SRP54: variants seen among roughly 807,000 people sequenced by gnomAD.
SRP54 encodes the protein signal recognition particle 54, also known as signal recognition particle subunit SRP54.
SRP54 carries 10 observed loss-of-function variants against 64.8 expected under a neutral mutation model. The ratio of observed to expected loss-of-function variants is 0.15; its 90% confidence interval spans 0.10 to 0.26. The LOEUF (loss-of-function observed/expected upper bound fraction) is 0.26, where lower values mean the gene tolerates loss of function less well. Among genes scored for constraint, SRP54 ranks in the 10% least tolerant of loss-of-function variants. The probability of loss-of-function intolerance (pLI) is 1.00; values close to 1 mark genes in which losing one functional copy is unlikely to be tolerated. For synonymous variants in SRP54, 193 were observed against 185.6 expected, an observed-to-expected ratio of 1.04 and a Z score of -0.32; for missense variants, 325 against 613.7, an observed-to-expected ratio of 0.53 and a Z score of 4.97.
Position 35,028,923 on chromosome 14 carries a change from C to T in SRP54, c.1424-138C>T, listed in dbSNP as rs558365309. ...TGATAATACAAATTTTTAGGTGGTACGTTCTTTAAGGCTGATGACTAAATT... is the reference window on the plus strand; with the variant it reads ...TGATAATACAAATTTTTAGGTGGTATGTTCTTTAAGGCTGATGACTAAATT... On this transcript the variant is annotated intron_variant, in intron 15 of 15. Transcript: ENST00000216774. The T allele has an allele frequency of 2.5e-4, 156 of 618,050 alleles. No homozygotes were observed. In the East Asian group the frequency reaches 4.0e-3, roughly 16 times the overall value. 38.3% of individuals were successfully genotyped at this position (618,050 alleles called of 1,614,324 possible).
At chr14:34,993,808 G>C (rs1341945344) in intron 1 of SRP54, among the ~76,000 whole-genome samples, 2 of 151,672 alleles carry the variant, frequency 1.3e-5, no homozygotes, top group African/African-American at 4.8e-5. Context: ...CGATTCACCT[G>C]TCTCAGCCTC....
chr14:34,992,855 C>CTTAT (rs139297978), intron 1 of SRP54, among the ~76,000 whole-genome samples: 1,663 of 151,386 alleles, frequency 0.011, 25 homozygotes, highest in African/African-American at 0.027. Context: ...ACTAGTATGG[C>CTTAT]TTATTTATTT....
chr14:35,008,730 T>C, intron 6 of SRP54, 37 bp downstream of exon 6: 1 of 1,604,836 alleles, frequency 6.2e-7, no homozygotes, highest in Non-Finnish European at 8.5e-7. Flanking sequence ...TTTATATAAT[T>C]TTTATTTTCA....
rs112996006 is a variant in SRP54 at position 35,028,176 on chromosome 14, T to C, written c.1416T>C (p.His472=). ...AAATGATGGATCCTAGGGTTCTTCA[T>C]CACATGGGTAAATACCAAGTTGTTG... ...MAKMMDPRVL[H]HMGGMAGLQS... is the part of the protein sequence containing the mutation. The change falls in exon 15 of 16, where the codon CAT becomes CAC. Residue 472 remains histidine (H), a synonymous_variant. Coordinates refer to ENST00000216774, the MANE Select transcript of SRP54 (RefSeq NM_003136.4). The C allele has an allele frequency of 6.2e-7, 1 of 1,608,076 alleles. No homozygotes were observed. Among genetic ancestry groups the C allele is most frequent in the South Asian group, 1.1e-5 (1 of 90,010 alleles).
intron 10 of SRP54, among the ~76,000 whole-genome samples, chr14:35,014,364 G>C (rs945398664): frequency 6.7e-6 from 1 of 149,792 alleles, no homozygotes; most frequent in Non-Finnish European, 1.5e-5. Context: ...TGCACCTTCA[G>C]CCTCCCGGGT....
At chr14:34,987,198 T>C (rs2043908840) in intron 1 of SRP54, among the ~76,000 whole-genome samples, 1 of 145,336 alleles carries the variant, frequency 6.9e-6, no homozygotes, top group Non-Finnish European at 1.5e-5. Flanking sequence ...GCCACTGCAC[T>C]CTAGCCTGGG....
rs1214974635 is a variant in SRP54 at position 35,029,372 on chromosome 14, A to G, written c.*220A>G. 8 of 413,764 alleles carry G rather than the reference A, an allele frequency of 1.9e-5. No individual in the cohort carries two copies. 25.6% of individuals were successfully genotyped at this position (413,764 alleles called of 1,614,324 possible). On this transcript the variant is annotated 3_prime_UTR_variant, in exon 16 of 16. Coordinates refer to ENST00000216774, the MANE Select transcript of SRP54 (RefSeq NM_003136.4). ...ATACATGGTTTTTGTGGAAATCATT[A>G]TATGTTTGCTTTAGATTTTCTTCTG...
At chr14:34,998,988 TGTGTGTGTGTGTGTGTGTGTGTGTGG>T (rs1566645480) in intron 2 of SRP54, among the ~76,000 whole-genome samples, 3 of 95,446 alleles carry the variant, frequency 3.1e-5, no homozygotes, top group African/African-American at 1.0e-4. Flanking sequence ...TGTGTGTGTG[TGTGTGTGTGTGTGTGTGTGTGTGTGG>T]TTTTTTTTTT....
intron 10 of SRP54, among the ~76,000 whole-genome samples, chr14:35,014,118 T>C (rs1432722433): frequency 6.6e-6 from 1 of 152,074 alleles, no homozygotes; most frequent in Non-Finnish European, 1.5e-5. Context: ...GGAAAAGTTT[T>C]AGAGCACAGT....
At chr14:35,008,515 A>G (rs2044302914) in intron 5 of SRP54, 112 bp from the exon 6 acceptor site, 5 of 609,338 alleles carry the variant, frequency 8.2e-6, no homozygotes, top group Non-Finnish European at 1.2e-5. Flanking sequence ...CAGGAGAATT[A>G]TAAGCAGTTT....
chr14:35,014,885 TA>T, intron 11 of SRP54, 55 bp downstream of exon 11: 1 of 1,351,094 alleles, frequency 7.4e-7, no homozygotes, highest in Non-Finnish European at 1.0e-6. Context: ...TGATTTTTTT[TA>T]TAAAGTTACT....
chr14:34,988,578 A>AATATATATATATATATAT (rs1555352766), intron 1 of SRP54, among the ~76,000 whole-genome samples: 12 of 47,084 alleles, frequency 2.5e-4, no homozygotes, highest in African/African-American at 8.0e-4. Context: ...AAAAAAAAAA[A>AATATATATATATATATAT]ATATATATAT....
intron 4 of SRP54, among the ~76,000 whole-genome samples, chr14:35,001,339 C>A (rs1329232577): frequency 6.6e-6 from 1 of 151,938 alleles, no homozygotes; most frequent in East Asian, 1.9e-4. Flanking sequence ...TTAGTAGAGA[C>A]GGGGTTTCTC....
intron 14 of SRP54, among the ~76,000 whole-genome samples, chr14:35,024,175 G>A (rs117153277): frequency 0.077 from 11,709 of 152,018 alleles, 594 homozygotes; most frequent in Non-Finnish European, 0.12. Context: ...TTAAAGGCAT[G>A]CACCACTACC....
chr14:35,017,378 G>A (rs1196003392), intron 11 of SRP54, among the ~76,000 whole-genome samples: 2 of 152,098 alleles, frequency 1.3e-5, no homozygotes, highest in African/African-American at 4.8e-5. Context: ...TAATATTTAA[G>A]TGTTTTCTGC....
At position 35,020,205 on chromosome 14, in the gene SRP54, T is replaced by A. The variant is rs534202602; in HGVS notation, c.1156+1131T>A. 1.7e-4 allele frequency among the ~76,000 whole-genome samples: 26 copies of A among 151,948 alleles called. No homozygotes were observed. In the South Asian group the frequency reaches 5.4e-3, roughly 32 times the overall value. On this transcript the variant is annotated intron_variant, in intron 13 of 15. Coordinates refer to ENST00000216774, the MANE Select transcript of SRP54 (RefSeq NM_003136.4). Reference sequence around the variant, plus strand: ...GTCTCAAAAGAAAAAAATAAAAAAATATAGTTTATTGCTAAAAATGCTAAT... The same window carrying A: ...GTCTCAAAAGAAAAAAATAAAAAAAAATAGTTTATTGCTAAAAATGCTAAT...
intron 11 of SRP54, 176 bp from the exon 12 acceptor site, chr14:35,018,516 A>G: frequency 1.7e-6 from 1 of 579,932 alleles, no homozygotes. Flanking sequence ...TTGTCTATGT[A>G]TTCTCCCCAG....
At position 34,995,168 on chromosome 14, in the gene SRP54, TGTGTGTGTGTGTGTGTGTGTAGAG is replaced by T. The variant is rs1266946833; in HGVS notation, c.-33-1508_-33-1485del. Among the ~76,000 whole-genome samples, 777 of 125,344 alleles carry T rather than the reference TGTGTGTGTGTGTGTGTGTGTAGAG, an allele frequency of 6.2e-3. 5 individuals carry two copies. The highest frequency in any genetic ancestry group is 0.013 in the Middle Eastern group (3 of 238). The allele number at this position is 125,344 out of a possible 152,430, so 82.2% of individuals were successfully genotyped here. On this transcript the variant is annotated intron_variant, in intron 1 of 15. Transcript: ENST00000216774. ...GTGTGTGTGTGTGTGTGTGTGTGTG[TGTGTGTGTGTGTGTGTGTGTAGAG>T]AGAGAGAGGGAGAAATGGATATAAA...
intron 11 of SRP54, among the ~76,000 whole-genome samples, chr14:35,016,120 G>A (rs2044434761): frequency 6.6e-6 from 1 of 151,960 alleles, no homozygotes; most frequent in Non-Finnish European, 1.5e-5. Flanking sequence ...CCCCTTCTCT[G>A]TAGCTGCCCT....
Sources: gnomAD v4.1 joint callset for allele counts (sites outside exome capture counted in the v4.1 genomes callset) on GRCh38, gnomAD v4.1.1 for gene constraint, MANE v1.5 for transcripts, NCBI Gene and HGNC (gene_info 2026-07-23, HGNC 2026-07-21) for gene names.